PHF24: variants seen among roughly 807,000 people sequenced by gnomAD.
PHF24 encodes the protein Galpha inhibitory interacting protein.
A neutral mutation model predicts 42.6 loss-of-function variants in PHF24; 25 were observed. The observed-to-expected ratio is 0.59, with a 90% confidence interval of 0.43 to 0.82. PHF24 has a LOEUF of 0.82. Ranked by LOEUF, PHF24 falls within the 40% of genes least tolerant of loss-of-function variation. The pLI is 0.00. For missense variants in PHF24, 470 were observed against 538.1 expected, an observed-to-expected ratio of 0.87 and a Z score of 1.25; for synonymous variants, 185 against 204.8, an observed-to-expected ratio of 0.90 and a Z score of 0.83.
chr9:34,709,734 C>A, the PHF24 span: 1 of 1,613,756 alleles, frequency 6.2e-7, no homozygotes. Context: ...ATGCCCTCCC[C>A]ACCCCGTCAC....
chr9:34,801,949 C>T, the PHF24 span, among the ~76,000 whole-genome samples: 1 of 151,994 alleles, frequency 6.6e-6, no homozygotes, highest in Non-Finnish European at 1.5e-5. Context: ...AGGACAAATA[C>T]CTAATGCATG....
At chr9:34,840,436 C>A in the PHF24 span, among the ~76,000 whole-genome samples, 2 of 151,816 alleles carry the variant, frequency 1.3e-5, no homozygotes, top group Admixed American at 6.6e-5. Context: ...CCTCCTTCTT[C>A]TTCTCCTTCT....
At chr9:34,830,392 T>C in the PHF24 span, among the ~76,000 whole-genome samples, 1 of 152,344 alleles carries the variant, frequency 6.6e-6, no homozygotes, top group East Asian at 1.9e-4. Flanking sequence ...CTTTTACTCA[T>C]ATTTAACCTA....
chr9:34,785,003 C>T, the PHF24 span, among the ~76,000 whole-genome samples: 1,215 of 152,338 alleles, frequency 8.0e-3, 14 homozygotes, highest in Non-Finnish European at 0.013. Flanking sequence ...AGCACACAAA[C>T]TTAAATGTGT....
chr9:34,775,059 A>G, the PHF24 span, among the ~76,000 whole-genome samples: 1 of 152,228 alleles, frequency 6.6e-6, no homozygotes, highest in Non-Finnish European at 1.5e-5. Context: ...TTGGGAATAT[A>G]CCAAGAATAA....
At chr9:34,827,044 C>T in the PHF24 span, among the ~76,000 whole-genome samples, 2 of 152,288 alleles carry the variant, frequency 1.3e-5, no homozygotes, top group Non-Finnish European at 2.9e-5. Flanking sequence ...CTATCAGTTT[C>T]AGCTCATTTC....
chr9:34,776,328 G>T, the PHF24 span, among the ~76,000 whole-genome samples: 5 of 152,150 alleles, frequency 3.3e-5, no homozygotes, highest in Non-Finnish European at 7.4e-5. Flanking sequence ...TGGAACCCCA[G>T]TAATTTATAA....
At chr9:34,729,251 G>A in the PHF24 span, 1 of 1,543,596 alleles carries the variant, frequency 6.5e-7, no homozygotes. Context: ...CTTATCTGAG[G>A]CTTAATTAGT....
the PHF24 span, among the ~76,000 whole-genome samples, chr9:34,740,090 G>A: frequency 1.3e-5 from 2 of 152,210 alleles, no homozygotes; most frequent in African/African-American, 4.8e-5. Context: ...GATACGGAGT[G>A]CCGATTGGTG....
chr9:34,808,296 T>G, the PHF24 span, among the ~76,000 whole-genome samples: 1 of 152,126 alleles, frequency 6.6e-6, no homozygotes, highest in Non-Finnish European at 1.5e-5. Flanking sequence ...TCTACCATTT[T>G]GTGTCTAAAA....
At chr9:34,710,338 C>T in the PHF24 span, among the ~76,000 whole-genome samples, 1 of 152,148 alleles carries the variant, frequency 6.6e-6, no homozygotes, top group Non-Finnish European at 1.5e-5. Context: ...CCTTCTATTC[C>T]CAGCTACTGC....
chr9:34,835,952 G>A, the PHF24 span: 1 of 729,926 alleles, frequency 1.4e-6, no homozygotes, highest in Non-Finnish European at 2.5e-6. Context: ...TCATCCGCCA[G>A]CAACTGCTGA....
chr9:34,739,897 C>T, the PHF24 span, among the ~76,000 whole-genome samples: 2 of 152,112 alleles, frequency 1.3e-5, no homozygotes, highest in African/African-American at 4.8e-5. Flanking sequence ...GGTGCGTTTA[C>T]AATCCCTGAG....
At chr9:34,671,529 T>C in the PHF24 span, among the ~76,000 whole-genome samples, 1 of 152,318 alleles carries the variant, frequency 6.6e-6, no homozygotes, top group African/African-American at 2.4e-5. Flanking sequence ...GCAATGTGAA[T>C]TCCTGGGCTA....
At chr9:34,923,412 T>C in the PHF24 span, among the ~76,000 whole-genome samples, 2 of 152,210 alleles carry the variant, frequency 1.3e-5, no homozygotes, top group Admixed American at 1.3e-4. Flanking sequence ...TATTAGTCCT[T>C]CTTTAAATGT....
the PHF24 span, among the ~76,000 whole-genome samples, chr9:34,670,018 C>CA: frequency 1.3e-4 from 19 of 151,794 alleles, no homozygotes; most frequent in East Asian, 2.3e-3. Flanking sequence ...AAGGAAATCT[C>CA]AAAAAAAACT....
chr9:34,881,539 A>T, the PHF24 span, among the ~76,000 whole-genome samples: 1 of 152,226 alleles, frequency 6.6e-6, no homozygotes. Flanking sequence ...ATCACCACCG[A>T]TCCCACAGAA....
At chr9:34,877,072 A>C in the PHF24 span, among the ~76,000 whole-genome samples, 1 of 152,176 alleles carries the variant, frequency 6.6e-6, no homozygotes, top group African/African-American at 2.4e-5. Flanking sequence ...ACCTGAGGTC[A>C]GGCGTTCGTG....
At chr9:34,690,672 G>A in the PHF24 span, among the ~76,000 whole-genome samples, 2 of 152,272 alleles carry the variant, frequency 1.3e-5, no homozygotes, top group Admixed American at 6.5e-5. Context: ...AAGAGTTAAT[G>A]CAGGTCACAG....
Sources: allele counts gnomAD v4.1 joint callset (sites outside exome capture counted in the v4.1 genomes callset), GRCh38; gene constraint gnomAD v4.1.1; transcripts MANE v1.5; gene names NCBI Gene and HGNC (gene_info 2026-07-23, HGNC 2026-07-21).